MTMR3: variants seen among roughly 807,000 people sequenced by gnomAD.
MTMR3 encodes myotubularin related protein 3.
MTMR3 carries 32 observed loss-of-function variants against 132.4 expected under a neutral mutation model. The ratio of observed to expected loss-of-function variants is 0.24; its 90% CI spans 0.18 to 0.32. The LOEUF is 0.32. Among genes scored for constraint, MTMR3 ranks in the 10% least tolerant of loss-of-function variants. The pLI is 1.00. For missense variants in MTMR3, 1,216 were observed against 1,489.6 expected (o/e 0.82, Z 3.02); for synonymous variants, 556 against 550.3 (o/e 1.01, Z -0.14).
At chr22:30,006,290 C>A (rs1447535888) in intron 9 of MTMR3, 1 of 152,170 alleles carries the variant, frequency 6.6e-6, no homozygotes, top group African/African-American at 2.4e-5. Flanking sequence ...TGCTCTTCTT[C>A]TCTTTCTTAA....
At chr22:29,910,083 G>GAACCC (rs1278070295) in intron 1 of MTMR3, among the ~76,000 whole-genome samples, 1 of 151,630 alleles carries the variant, frequency 6.6e-6, no homozygotes, top group Non-Finnish European at 1.5e-5. Context: ...AGAATGGCGT[G>GAACCC]AACCCAGGAG....
chr22:29,964,733 C>A (rs1470673202), intron 2 of MTMR3, among the ~76,000 whole-genome samples: 1 of 152,130 alleles, frequency 6.6e-6, no homozygotes, highest in Non-Finnish European at 1.5e-5. Flanking sequence ...CTTCTTTATT[C>A]TTTTTCTCTT....
At chr22:29,945,747 A>G (rs1258427466) in intron 1 of MTMR3, among the ~76,000 whole-genome samples, 1 of 151,818 alleles carries the variant, frequency 6.6e-6, no homozygotes, top group Non-Finnish European at 1.5e-5. Context: ...TCGAGCCAAG[A>G]ATTGAAGGAC....
chr22:29,926,054 A>G (rs186292944), intron 1 of MTMR3, among the ~76,000 whole-genome samples: 1 of 151,550 alleles, frequency 6.6e-6, no homozygotes, highest in East Asian at 1.9e-4. Flanking sequence ...CCACTTTCCC[A>G]CTCCTCTTTA....
Position 30,019,747 on chromosome 22 carries a change from C to T in MTMR3, c.2088C>T (p.Ala696=), listed in dbSNP as rs2067699021. Residue 696 remains alanine, a synonymous_variant, in exon 17 of 20, where the codon GCC becomes GCT. Coordinates refer to ENST00000401950, the MANE Select transcript of MTMR3 (RefSeq NM_021090.4). ...AGATGGAGAACATCTTGCAGGAGGC[C>T]ACCAAAGAGGAGAGTGGAGTAGAGG... The part of the protein sequence containing the change: ...EGQMENILQE[A]TKEESGVEEP... 1.9e-6 allele frequency: 3 copies of T among 1,614,084 alleles called. No homozygotes were observed. The highest frequency in any genetic ancestry group is 1.6e-4 in the Middle Eastern group (1 of 6,082).
intron 19 of MTMR3, chr22:30,023,244 G>T (rs1461902544): frequency 3.3e-6 from 2 of 597,084 alleles, no homozygotes; most frequent in East Asian, 5.7e-5. Flanking sequence ...CCCAGCTAGG[G>T]TGTTGACTGT....
At chr22:30,013,302 G>T in intron 13 of MTMR3, 54 bp from the exon 14 acceptor site, 2 of 1,580,984 alleles carry the variant, frequency 1.3e-6, no homozygotes, top group Admixed American at 3.4e-5. Flanking sequence ...GCTTAGGACT[G>T]TCACAGTCTG....
At chr22:30,007,341 T>A in intron 10 of MTMR3, 22 bp downstream of exon 10, 1 of 1,608,624 alleles carries the variant, frequency 6.2e-7, no homozygotes, top group African/African-American at 1.3e-5. Flanking sequence ...CCTGGACCCA[T>A]GGCAATGATT....
intron 1 of MTMR3, among the ~76,000 whole-genome samples, chr22:29,944,895 A>C (rs2065923580): frequency 1.3e-5 from 2 of 152,234 alleles, no homozygotes; most frequent in Non-Finnish European, 2.9e-5. Context: ...TGATTCAATG[A>C]ATAAACTGTA....
chr22:29,963,189 C>A (rs1204858135), intron 2 of MTMR3, among the ~76,000 whole-genome samples: 7 of 151,994 alleles, frequency 4.6e-5, no homozygotes. Flanking sequence ...TTGAGTGATC[C>A]ACCTCCCTGG....
At chr22:30,016,804 C>A in intron 15 of MTMR3, 106 bp downstream of exon 15, 1 of 1,289,520 alleles carries the variant, frequency 7.8e-7, no homozygotes, top group South Asian at 1.4e-5. Flanking sequence ...GACATCTCTA[C>A]TGTCTCTGGA....
At position 29,951,745 on chromosome 22, in the gene MTMR3, C is replaced by T. The variant is rs372604712; in HGVS notation, c.-137-5291C>T. On this transcript the variant is annotated intron_variant, in intron 1 of 19. Transcript: ENST00000401950. ...TCAATTTATGTAAATGAAGAATAAA[C>T]AACATACTCTGTACCTCGTATGTAG... 1.2e-4 allele frequency among the ~76,000 whole-genome samples: 18 copies of T among 152,228 alleles called. No individual in the cohort carries two copies. The East Asian group carries it at 2.7e-3, about 23-fold the overall frequency.
rs759730452 is a variant in MTMR3 at position 30,019,981 on chromosome 22, T to C, written c.2322T>C (p.Val774=). Reference sequence around the variant, plus strand: ...CTGAACAGCAGAGTGGGCTCAGTGTTCTCCTCAGTTCTCTCCAGGTCCCCC... The same window carrying C: ...CTGAACAGCAGAGTGGGCTCAGTGTCCTCCTCAGTTCTCTCCAGGTCCCCC... ...GISEQQSGLS[V]LLSSLQVPPR... The change falls in exon 17 of 20, where the codon GTT becomes GTC. Residue 774 remains valine, a synonymous_variant. Coordinates refer to ENST00000401950, the MANE Select transcript of MTMR3 (RefSeq NM_021090.4). The C allele has an allele frequency of 6.2e-7, 1 of 1,614,070 alleles. No homozygotes were observed.
chr22:29,961,716 A>T (rs1343927090), intron 2 of MTMR3, among the ~76,000 whole-genome samples: 1 of 152,088 alleles, frequency 6.6e-6, no homozygotes, highest in Admixed American at 6.5e-5. Context: ...GTGTACAGTA[A>T]TGTCCTAGGC....
chr22:29,887,370 G>A (rs2064699267), intron 1 of MTMR3, among the ~76,000 whole-genome samples: 1 of 152,176 alleles, frequency 6.6e-6, no homozygotes, highest in Non-Finnish European at 1.5e-5. Flanking sequence ...TAGTGTATAT[G>A]AAAAGCATTC....
At chr22:29,932,372 T>C (rs762949361) in intron 1 of MTMR3, among the ~76,000 whole-genome samples, 135 of 152,340 alleles carry the variant, frequency 8.9e-4, no homozygotes, top group Non-Finnish European at 1.5e-3. Context: ...CAGAGTGCTT[T>C]CATTTTTGTT....
At position 30,007,292 on chromosome 22, in the gene MTMR3, G is replaced by A; in HGVS notation, c.850G>A (p.Gly284Arg). Residue 284 changes from glycine to arginine, a missense_variant, in exon 10 of 20, where the codon GGG (glycine) becomes AGG (arginine). Around this residue, in one of 7 missense-constraint regions of MTMR3, gnomAD observed 47 missense variants for 46.8 expected, o/e 1.00. Transcript: ENST00000401950. Reference sequence around the variant, plus strand: ...GAACACTTCTCGAGACTTTCCCAATGGGGGAGACCTTTCTGACGTGGAGTT... The same window carrying A: ...GAACACTTCTCGAGACTTTCCCAATAGGGGAGACCTTTCTGACGTGGAGTT... ...TRNTSRDFPN[G>R]GDLSDVEFDS... The A allele has an allele frequency of 1.9e-6, 3 of 1,614,154 alleles. No individual in the cohort carries two copies. In the South Asian group the frequency reaches 3.3e-5, roughly 18 times the overall value.
chr22:29,969,167 T>C (rs781334415), intron 2 of MTMR3, among the ~76,000 whole-genome samples: 18 of 152,348 alleles, frequency 1.2e-4, no homozygotes, highest in Non-Finnish European at 2.5e-4. Flanking sequence ...GTGTCTAAAA[T>C]GGAAACTTTA....
intron 13 of MTMR3, 25 bp from the exon 14 acceptor site, chr22:30,013,331 G>T: frequency 6.2e-7 from 1 of 1,611,730 alleles, no homozygotes. Flanking sequence ...AGCACAAATG[G>T]TCTCTCCTGG....
Sources: allele counts gnomAD v4.1 joint callset (sites outside exome capture counted in the v4.1 genomes callset), GRCh38; gene constraint gnomAD v4.1.1; regional missense constraint gnomAD v4.1.1; transcripts MANE v1.5; gene names NCBI Gene and HGNC (gene_info 2026-07-23, HGNC 2026-07-21).